Variants in PALD1 observed in about 807,000 individuals in gnomAD.
PALD1 encodes the protein paladin.
In PALD1, 57 loss-of-function variants were observed where a neutral mutation model predicts 96.0. The ratio of observed to expected loss-of-function variants is 0.59; its 90% CI spans 0.48 to 0.74. PALD1 has a LOEUF of 0.74. Among genes scored for constraint, PALD1 ranks in the 30% least tolerant of loss-of-function variants. PALD1 has a pLI of 0.00. For missense variants in PALD1, 1,063 were observed against 1,143.7 expected, an observed-to-expected ratio of 0.93 and a Z score of 1.02; for synonymous variants, 464 against 473.6, an observed-to-expected ratio of 0.98 and a Z score of 0.26.
Position 70,527,953 on chromosome 10 carries a change from C to T in PALD1, c.186-1276C>T, listed in dbSNP as rs528300775. Among the ~76,000 whole-genome samples, 612 of 151,758 alleles carry T rather than the reference C, an allele frequency of 4.0e-3. 1 individual carries two copies. The highest frequency in any genetic ancestry group is 0.014 in the African/African-American group (573 of 41,302). Reference sequence around the variant, plus strand: ...CCGTCCCCCCACCCCACAACAGGCCCTGGTATGTGATGCTTCCCTTCCCGT... The same window carrying T: ...CCGTCCCCCCACCCCACAACAGGCCTTGGTATGTGATGCTTCCCTTCCCGT... On this transcript the variant is annotated intron_variant, in intron 2 of 19. Transcript: ENST00000263563.
Position 70,534,319 on chromosome 10 carries a change from C to T in PALD1, c.1023-106C>T, listed in dbSNP as rs978039432. On this transcript the variant is annotated intron_variant, in intron 8 of 19. Coordinates refer to ENST00000263563, the MANE Select transcript of PALD1 (RefSeq NM_014431.3). ...TTCCCACAATGTGATTCAGAAGGAA[C>T]CTGTAGTCTGGTGTCCCCCAGCGGC... 15 of 814,908 alleles carry T rather than the reference C, an allele frequency of 1.8e-5. No homozygotes were observed. In the Admixed American group the frequency reaches 3.7e-4, roughly 20 times the overall value. 50.5% of individuals were successfully genotyped at this position (814,908 alleles called of 1,614,324 possible). A position where few individuals can be genotyped will look rare whatever the true frequency, so the allele number is the denominator to read the frequency against.
chr10:70,487,437 C>T (rs796429576), intron 1 of PALD1, among the ~76,000 whole-genome samples: 2 of 151,914 alleles, frequency 1.3e-5, no homozygotes, highest in South Asian at 2.1e-4. Flanking sequence ...CTGGCTGTGC[C>T]CAATTTTCTC....
chr10:70,459,047 C>T, the PALD1 span, among the ~76,000 whole-genome samples: 1 of 152,026 alleles, frequency 6.6e-6, no homozygotes, highest in Non-Finnish European at 1.5e-5. Flanking sequence ...CCACCTTTAT[C>T]CCCCGCCATC....
chr10:70,515,244 C>T (rs538730249), intron 1 of PALD1, among the ~76,000 whole-genome samples: 3 of 152,342 alleles, frequency 2.0e-5, no homozygotes, highest in African/African-American at 7.2e-5. Context: ...TGGGCTGACT[C>T]AGGCTGGGCA....
chr10:70,533,060 G>C lies in PALD1; in HGVS notation c.860G>C (p.Ser287Thr), dbSNP rs759795941. 228 of 1,580,150 alleles carry C rather than the reference G, an allele frequency of 1.4e-4. No individual in the cohort carries two copies. The highest frequency in any genetic ancestry group is 1.9e-4 in the Non-Finnish European group (218 of 1,162,364). ...PLEAQLDAFV[S>T]VLRETPSLLQ... ...GAGGCCCAGTTGGACGCCTTTGTCA[G>C]TGTTCTCCGGGTAACTGGGGCACGG... Residue 287 changes from serine to threonine, a missense_variant, in exon 7 of 20, where the codon AGT (serine) becomes ACT (threonine). By Grantham distance (58) the Ser-to-Thr change is moderately conservative. Coordinates refer to ENST00000263563, the MANE Select transcript of PALD1 (RefSeq NM_014431.3).
intron 1 of PALD1, among the ~76,000 whole-genome samples, chr10:70,484,434 G>A (rs1176284100): frequency 1.3e-5 from 2 of 152,116 alleles, no homozygotes; most frequent in Non-Finnish European, 2.9e-5. Context: ...TTACATCAAA[G>A]AATACAACCA....
At chr10:70,546,080 T>C (rs1847356298) in intron 17 of PALD1, among the ~76,000 whole-genome samples, 1 of 151,870 alleles carries the variant, frequency 6.6e-6, no homozygotes, top group Non-Finnish European at 1.5e-5. Flanking sequence ...CTACTAAAAA[T>C]ACAAAAATTA....
chr10:70,563,401 C>T (rs907793632), intron 18 of PALD1, among the ~76,000 whole-genome samples: 7 of 152,242 alleles, frequency 4.6e-5, no homozygotes, highest in African/African-American at 1.7e-4. Context: ...CTCCCACACT[C>T]TCTGGGAAAT....
chr10:70,520,779 C>T (rs904296729), intron 1 of PALD1, among the ~76,000 whole-genome samples: 7 of 142,296 alleles, frequency 4.9e-5, no homozygotes, highest in Admixed American at 7.5e-5. Context: ...GCAATCTCTG[C>T]CTTCTGGGTT....
chr10:70,460,085 T>C, the PALD1 span, among the ~76,000 whole-genome samples: 121 of 152,346 alleles, frequency 7.9e-4, no homozygotes, highest in South Asian at 3.7e-3. Flanking sequence ...TTTGACACGA[T>C]TGAAATGCTC....
chr10:70,511,441 G>A (rs1251451226), intron 1 of PALD1, among the ~76,000 whole-genome samples: 2 of 152,168 alleles, frequency 1.3e-5, no homozygotes, highest in African/African-American at 4.8e-5. Context: ...GAGACAGGGA[G>A]GAAAGGGGTC....
chr10:70,564,595 C>A lies in PALD1; in HGVS notation c.2418+76C>A. 7.1e-6 allele frequency: 10 copies of A among 1,415,168 alleles called. No individual in the cohort carries two copies. In the South Asian group the frequency reaches 1.2e-4, roughly 18 times the overall value. 87.7% of individuals were successfully genotyped at this position (1,415,168 alleles called of 1,614,324 possible). A position where few individuals can be genotyped will look rare whatever the true frequency, so the allele number is the denominator to read the frequency against. ...GGAGCTGGGTCACAGCCACTCAGTG[C>A]CTGTACATGGCCTGCGGGGACCCCG... On this transcript the variant is annotated intron_variant, in intron 19 of 19. Transcript: ENST00000263563.
intron 1 of PALD1, among the ~76,000 whole-genome samples, chr10:70,518,900 C>T (rs1315858586): frequency 6.6e-6 from 1 of 152,196 alleles, no homozygotes; most frequent in African/African-American, 2.4e-5. Flanking sequence ...TAATTCCATA[C>T]TGACACATCT....
chr10:70,512,153 C>A (rs952249796), intron 1 of PALD1, among the ~76,000 whole-genome samples: 3 of 152,192 alleles, frequency 2.0e-5, no homozygotes, highest in Non-Finnish European at 4.4e-5. Context: ...TTTGGAGGGG[C>A]CATTCAAACC....
At chr10:70,496,970 C>A (rs2132282886) in intron 1 of PALD1, among the ~76,000 whole-genome samples, 1 of 151,982 alleles carries the variant, frequency 6.6e-6, no homozygotes, top group African/African-American at 2.4e-5. Flanking sequence ...GGAGAGTGGG[C>A]AGGCTGGAGT....
upstream of PALD1, among the ~76,000 whole-genome samples, chr10:70,474,799 G>A (rs1845802650): frequency 1.3e-5 from 2 of 152,206 alleles, no homozygotes; most frequent in South Asian, 2.1e-4. Flanking sequence ...ATAATATGAT[G>A]CCGATAACTG....
Position 70,537,220 on chromosome 10 carries a change from A to C in PALD1, c.1228-591A>C, listed in dbSNP as rs1158639217. On this transcript the variant is annotated intron_variant, in intron 10 of 19. Coordinates refer to ENST00000263563, the MANE Select transcript of PALD1 (RefSeq NM_014431.3). Reference sequence around the variant, plus strand: ...CTTCCCAGGCTCAAGCGATTCTCCCACCTCAGCCTCACGAGTGGCTGGGAC... The same window carrying C: ...CTTCCCAGGCTCAAGCGATTCTCCCCCCTCAGCCTCACGAGTGGCTGGGAC... Among the ~76,000 whole-genome samples the C allele has an allele frequency of 2.6e-5, 4 of 151,226 alleles. No homozygotes were observed. The East Asian group carries it at 7.8e-4, about 29-fold the overall frequency.
intron 10 of PALD1, among the ~76,000 whole-genome samples, chr10:70,536,073 C>T (rs1847109245): frequency 6.6e-6 from 1 of 152,086 alleles, no homozygotes; most frequent in African/African-American, 2.4e-5. Context: ...AGTTTGAGAC[C>T]CGACTGGCTA....
rs1477851705 is a variant in PALD1 at position 70,533,004 on chromosome 10, C to T, written c.804C>T (p.Arg268=). Residue 268 remains arginine, a synonymous_variant, in exon 7 of 20, where the codon CGC becomes CGT. Coordinates refer to ENST00000263563, the MANE Select transcript of PALD1 (RefSeq NM_014431.3). ...LFLQPTYRYH[R]LPLPEQGSPL... ...CTCCCTCACCTGGCAGGTACCACCGCCTGCCCCTGCCCGAGCAAGGGAGTC... is the reference window on the plus strand; with the variant it reads ...CTCCCTCACCTGGCAGGTACCACCGTCTGCCCCTGCCCGAGCAAGGGAGTC... The T allele has an allele frequency of 6.3e-7, 1 of 1,578,978 alleles. No individual in the cohort carries two copies. Among genetic ancestry groups the T allele is most frequent in the Non-Finnish European group, 8.6e-7 (1 of 1,162,240 alleles).
Sources: allele counts gnomAD v4.1 joint callset (sites outside exome capture counted in the v4.1 genomes callset), GRCh38; gene constraint gnomAD v4.1.1; transcripts MANE v1.5; gene names NCBI Gene and HGNC (gene_info 2026-07-23, HGNC 2026-07-21).